Variants in SEMA4D observed in about 807,000 individuals in gnomAD.
SEMA4D encodes the protein semaphorin 4D, also known as semaphorin-4D.
SEMA4D carries 22 observed loss-of-function variants against 74.8 expected under a neutral mutation model. The observed-to-expected ratio is 0.29, with a 90% CI of 0.21 to 0.42. The LOEUF is 0.42. Among genes scored for constraint, SEMA4D ranks in the 10% least tolerant of loss-of-function variants. SEMA4D has a pLI of 1.00. For missense variants in SEMA4D, 937 were observed against 1,118.4 expected, an observed-to-expected ratio of 0.84 and a Z score of 2.31; for synonymous variants, 445 against 463.7, an observed-to-expected ratio of 0.96 and a Z score of 0.52.
rs567369092 is a variant in SEMA4D, at chr9:89,363,278, T to G, written c.2190+152A>C. ...CAAGACGTGGGATTTCCCCCCCCAG[T>G]GTTGCAGATTTCATAAAGGAAACTG... is the stretch of plus-strand genomic sequence containing the variant. On this transcript the variant is annotated intron_variant, in intron 18 of 18. Coordinates refer to the SEMA4D transcript ENST00000339861. 1.1e-5 allele frequency: 12 copies of G among 1,068,450 alleles called. 1 individual carries two copies. The East Asian group carries it at 2.9e-4, about 26-fold the overall frequency. 66.2% of individuals were successfully genotyped at this position (1,068,450 alleles called of 1,614,324 possible). A position where few individuals can be genotyped will look rare whatever the true frequency, so the allele number is the denominator to read the frequency against.
rs921307110 is a variant in SEMA4D at position 89,378,622 on chromosome 9, G to A, written c.*82C>T. On this transcript the variant is annotated 3_prime_UTR_variant, in exon 16 of 16. Transcript: ENST00000422704. ...ACCTACGCAGCACTGCACGAGACTCGGATACTGAACAGGAGAAACACAAAA... is the reference window on the plus strand; with the variant it reads ...ACCTACGCAGCACTGCACGAGACTCAGATACTGAACAGGAGAAACACAAAA... 1.4e-5 allele frequency: 15 copies of A among 1,068,804 alleles called. No homozygotes were observed. The highest frequency in any genetic ancestry group is 9.3e-5 in the African/African-American group (6 of 64,554). The allele number at this position is 1,068,804 out of a possible 1,614,324, so 66.2% of individuals were successfully genotyped here. A position where few individuals can be genotyped will look rare whatever the true frequency, so the allele number is the denominator to read the frequency against.
intron 1 of SEMA4D, among the ~76,000 whole-genome samples, chr9:89,463,984 A>T (rs1858010230): frequency 6.6e-6 from 1 of 151,446 alleles, no homozygotes; most frequent in Admixed American, 6.6e-5. Context: ...CCAAAGGCTT[A>T]ACTTCAACCC....
At chr9:89,463,199 G>C (rs532747689) in intron 1 of SEMA4D, among the ~76,000 whole-genome samples, 90 of 152,096 alleles carry the variant, frequency 5.9e-4, no homozygotes, top group African/African-American at 2.1e-3. Flanking sequence ...CTCATGCCCA[G>C]TTGAGGAATA....
At chr9:89,450,660 G>GGAAAAAA (rs1491451024) in intron 2 of SEMA4D, 5,094 of 428,978 alleles carry the variant, frequency 0.012, 511 homozygotes, top group Non-Finnish European at 0.014. Flanking sequence ...AAAAACCCAG[G>GGAAAAAA]AAAAAAAAAA....
chr9:89,488,548 C>T (rs952728125), intron 1 of SEMA4D, among the ~76,000 whole-genome samples: 1 of 151,674 alleles, frequency 6.6e-6, no homozygotes, highest in Non-Finnish European at 1.5e-5. Flanking sequence ...AATTTTTGTA[C>T]TTTTAGTAGA....
intron 1 of SEMA4D, among the ~76,000 whole-genome samples, chr9:89,457,423 T>G (rs1028397156): frequency 2.6e-5 from 4 of 152,240 alleles, no homozygotes; most frequent in African/African-American, 9.6e-5. Context: ...AACACTGAAG[T>G]GTATGCACCC....
chr9:89,373,588 T>C (rs1157700349), downstream of SEMA4D, among the ~76,000 whole-genome samples: 1 of 152,180 alleles, frequency 6.6e-6, no homozygotes, highest in East Asian at 1.9e-4. Flanking sequence ...AATGTCCTCT[T>C]AAGTTTCATA....
intron 3 of SEMA4D, 65 bp downstream of exon 3, chr9:89,405,286 C>T (rs1278088825): frequency 7.0e-7 from 1 of 1,433,542 alleles, no homozygotes; most frequent in African/African-American, 1.4e-5. Context: ...CCACCCACCT[C>T]AGCATCCCAG....
intron 1 of SEMA4D, among the ~76,000 whole-genome samples, chr9:89,456,546 AG>A (rs1399279678): frequency 6.6e-6 from 1 of 152,212 alleles, no homozygotes; most frequent in African/African-American, 2.4e-5. Context: ...AGGGCAAGGA[AG>A]AGAGAGAGAA....
chr9:89,391,900 C>T (rs189312103), intron 8 of SEMA4D, among the ~76,000 whole-genome samples: 4 of 152,350 alleles, frequency 2.6e-5, no homozygotes, highest in East Asian at 1.9e-4. Flanking sequence ...AGGTTCAAAA[C>T]CCAAGGCTCT....
At chr9:89,437,565 G>A (rs1353243954) in intron 2 of SEMA4D, among the ~76,000 whole-genome samples, 1 of 152,152 alleles carries the variant, frequency 6.6e-6, no homozygotes, top group Non-Finnish European at 1.5e-5. Flanking sequence ...TGAGAGGGGA[G>A]GGCACAGGCC....
At chr9:89,436,701 C>G (rs1850492514) in intron 2 of SEMA4D, 1 of 152,938 alleles carries the variant, frequency 6.5e-6, no homozygotes, top group Non-Finnish European at 1.5e-5. Context: ...AGTCCCAAGG[C>G]TGAGGAAGGA....
intron 1 of SEMA4D, among the ~76,000 whole-genome samples, chr9:89,462,093 TG>T (rs1857400160): frequency 6.6e-6 from 1 of 152,178 alleles, no homozygotes; most frequent in Non-Finnish European, 1.5e-5. Flanking sequence ...AAACGTGGTT[TG>T]GGTTAAGAAG....
chr9:89,442,186 G>A (rs1026682391), intron 2 of SEMA4D, among the ~76,000 whole-genome samples: 2 of 138,374 alleles, frequency 1.4e-5, no homozygotes, highest in African/African-American at 5.3e-5. Context: ...GGTTTGCTGC[G>A]CCGTACGGCC....
At chr9:89,473,242 G>T (rs575718418) in intron 1 of SEMA4D, among the ~76,000 whole-genome samples, 1 of 152,192 alleles carries the variant, frequency 6.6e-6, no homozygotes, top group South Asian at 2.1e-4. Context: ...TCCTAGGCCT[G>T]AGCAAGCAGT....
At chr9:89,496,559 A>G (rs553413095) in intron 1 of SEMA4D, among the ~76,000 whole-genome samples, 19 of 152,190 alleles carry the variant, frequency 1.2e-4, no homozygotes, top group African/African-American at 4.3e-4. Context: ...TGCATCCCTC[A>G]TCTTCCCACC....
At chr9:89,442,566 C>G (rs1409209953) in intron 2 of SEMA4D, among the ~76,000 whole-genome samples, 2 of 152,092 alleles carry the variant, frequency 1.3e-5, no homozygotes, top group Non-Finnish European at 2.9e-5. Context: ...TCTGCCTGGC[C>G]GGGGTCCTCT....
At chr9:89,449,806 A>T (rs1853912798) in intron 2 of SEMA4D, 3 of 1,489,796 alleles carry the variant, frequency 2.0e-6, no homozygotes, top group Non-Finnish European at 1.9e-6. Context: ...ATTTTGGTAA[A>T]TAACTGTGTA....
chr9:89,391,515 G>A, intron 8 of SEMA4D, 100 bp from the exon 9 acceptor site: 1 of 1,149,354 alleles, frequency 8.7e-7, no homozygotes, highest in Non-Finnish European at 1.3e-6. Flanking sequence ...GGGGGCCTGA[G>A]GGCTTCCCTG....
Sources: gnomAD v4.1 joint callset for allele counts (sites outside exome capture counted in the v4.1 genomes callset) on GRCh38, gnomAD v4.1.1 for gene constraint, MANE v1.5 for transcripts, NCBI Gene and HGNC (gene_info 2026-07-23, HGNC 2026-07-21) for gene names.